Variants in ATXN3 observed in about 807,000 individuals in gnomAD.
ATXN3 encodes the protein ataxin 3.
A neutral mutation model predicts 58.2 loss-of-function variants in ATXN3; 28 were observed. The ratio of observed to expected loss-of-function variants is 0.48; its 90% CI spans 0.36 to 0.66. The LOEUF is 0.66. Among genes scored for constraint, ATXN3 ranks in the 30% least tolerant of loss-of-function variants. The pLI is 0.00. For synonymous variants in ATXN3, 113 were observed against 138.5 expected (o/e 0.82, Z 1.29); for missense variants, 321 against 422.1 (o/e 0.76, Z 2.10).
At chr14:92,093,952 T>C in intron 3 of ATXN3, 121 bp from the exon 4 acceptor site, 1 of 569,550 alleles carries the variant, frequency 1.8e-6, no homozygotes, top group Non-Finnish European at 3.1e-6. Flanking sequence ...AGGTTTTTTT[T>C]TTTTTTTTTG....
chr14:92,076,934 C>T (rs559624762), intron 9 of ATXN3, among the ~76,000 whole-genome samples: 47 of 67,864 alleles, frequency 6.9e-4, no homozygotes, highest in Non-Finnish European at 1.0e-3. Context: ...AGTGAGATTT[C>T]GTCTCAAAAA....
intron 10 of ATXN3, among the ~76,000 whole-genome samples, chr14:92,068,747 T>C (rs8009896): frequency 0.022 from 3,321 of 152,098 alleles, 127 homozygotes; most frequent in African/African-American, 0.076. Context: ...TGCGCCACCA[T>C]GCCCGACTAA....
intron 7 of ATXN3, 52 bp from the exon 8 acceptor site, chr14:92,082,518 A>G (rs2061639253): frequency 6.6e-7 from 1 of 1,510,198 alleles, no homozygotes; most frequent in Non-Finnish European, 9.0e-7. Context: ...TATTTTAGAC[A>G]TAACATAAAG....
intron 9 of ATXN3, among the ~76,000 whole-genome samples, chr14:92,076,569 T>A (rs2060422538): frequency 6.6e-6 from 1 of 152,146 alleles, no homozygotes; most frequent in Non-Finnish European, 1.5e-5. Flanking sequence ...ATACTTTTCT[T>A]TTCTTAGATA....
rs1019904252 is a variant in ATXN3, at chr14:92,064,508, G to C, written c.992-94C>G. ...TCTCAGAAAATGTATTTCTATTTGA[G>C]CACGAGTTTCTTTTTTTGATTTAAT... On this transcript the variant is annotated intron_variant, in intron 10 of 10. Transcript: ENST00000644486. The C allele has an allele frequency of 1.2e-5, 11 of 925,540 alleles. No homozygotes were observed. The African/African-American group carries it at 1.8e-4, about 15-fold the overall frequency. 57.3% of individuals were successfully genotyped at this position (925,540 alleles called of 1,614,324 possible).
chr14:92,088,769 T>C lies in ATXN3; in HGVS notation c.436A>G (p.Thr146Ala). ...LLTGPELISD[T>A]YLALFLAQLQ... ...TGAGCCAAGAAAAGTGCAAGATATGTATCTGATATTAATTCTGGACCCGTC... is the reference window on the plus strand; with the variant it reads ...TGAGCCAAGAAAAGTGCAAGATATGCATCTGATATTAATTCTGGACCCGTC... The change falls in exon 6 of 11, where the codon ACA becomes GCA. Residue 146 changes from threonine to alanine, a missense_variant. Coordinates refer to ENST00000644486, the MANE Select transcript of ATXN3 (RefSeq NM_004993.6). 1 of 1,612,654 alleles carries C rather than the reference T, an allele frequency of 6.2e-7. No individual in the cohort carries two copies. The highest frequency in any genetic ancestry group is 1.1e-5 in the South Asian group (1 of 90,882).
At chr14:92,054,338 C>G (rs941865800), downstream of ATXN3, among the ~76,000 whole-genome samples, 3 of 152,156 alleles carry the variant, frequency 2.0e-5, no homozygotes, top group African/African-American at 7.2e-5. Context: ...GATACAAGGT[C>G]AACACAAAAT....
At chr14:92,105,754 G>A (rs959676897) in intron 1 of ATXN3, among the ~76,000 whole-genome samples, 2 of 152,116 alleles carry the variant, frequency 1.3e-5, no homozygotes, top group African/African-American at 4.8e-5. Flanking sequence ...GCATGGTCAC[G>A]GAAGAGTTAA....
chr14:92,081,064 GA>G lies in ATXN3; in HGVS notation c.776-4del. The G allele has an allele frequency of 6.3e-7, 1 of 1,583,370 alleles. No homozygotes were observed. Among genetic ancestry groups the G allele is most frequent in the Non-Finnish European group, 8.7e-7 (1 of 1,153,352 alleles). ...TTGAGATATGTTTCTGGAACTACCT[GA>G]AAACAAAACACAACACAACAAAAAC... On this transcript the variant is annotated splice_polypyrimidine_tract_variant and splice_region_variant and intron_variant, in intron 8 of 10. Coordinates refer to ENST00000644486, the MANE Select transcript of ATXN3 (RefSeq NM_004993.6).
intron 1 of ATXN3, among the ~76,000 whole-genome samples, chr14:92,101,658 G>A (rs889993147): frequency 3.4e-4 from 52 of 152,068 alleles, no homozygotes; most frequent in African/African-American, 1.1e-3. Flanking sequence ...AGGAGTTCGA[G>A]ACCAGCCTGG....
chr14:92,089,378 G>GC (rs2063298156), intron 5 of ATXN3, among the ~76,000 whole-genome samples: 1 of 103,134 alleles, frequency 9.7e-6, no homozygotes, highest in Admixed American at 1.3e-4. Flanking sequence ...TTGCTCTGTC[G>GC]CCCAGGCTGG....
chr14:92,090,260 G>A (rs2063487218), intron 5 of ATXN3: 1 of 152,048 alleles, frequency 6.6e-6, no homozygotes, highest in South Asian at 2.1e-4. Flanking sequence ...GCACCAAGAT[G>A]CTTGACAAAT....
intron 10 of ATXN3, among the ~76,000 whole-genome samples, chr14:92,067,236 C>T (rs958850236): frequency 6.6e-6 from 1 of 152,192 alleles, no homozygotes; most frequent in South Asian, 2.1e-4. Flanking sequence ...AGAAATCTGA[C>T]TGTGATGTGT....
intron 6 of ATXN3, among the ~76,000 whole-genome samples, chr14:92,084,504 T>C (rs2140837635): frequency 6.6e-6 from 1 of 152,220 alleles, no homozygotes; most frequent in South Asian, 2.1e-4. Context: ...CCAAGCTAGA[T>C]GCTACACACA....
chr14:92,051,714 C>CTTTTTT (rs1309210142), upstream of ATXN3, among the ~76,000 whole-genome samples: 3 of 35,290 alleles, frequency 8.5e-5, no homozygotes, highest in Non-Finnish European at 2.0e-4. Context: ...TCTTCTTTTC[C>CTTTTTT]TTTCTTTTTT....
At chr14:92,056,000 A>G (rs892401541), downstream of ATXN3, among the ~76,000 whole-genome samples, 1 of 152,184 alleles carries the variant, frequency 6.6e-6, no homozygotes, top group Non-Finnish European at 1.5e-5. This position sits in a 1 kb window ranked among gnomAD's most constrained non-coding sequence, Gnocchi z 4.5. Flanking sequence ...GTCTGGCAAA[A>G]GGGGTTTCAG....
At chr14:92,098,703 C>G (rs1303397288) in intron 1 of ATXN3, among the ~76,000 whole-genome samples, 1 of 152,188 alleles carries the variant, frequency 6.6e-6, no homozygotes, top group African/African-American at 2.4e-5. Flanking sequence ...CTTGCAGTTA[C>G]AGTGCTGAAG....
rs1381838809 is a variant in ATXN3 at position 92,064,802 on chromosome 14, A to G, written c.992-388T>C. ...ATAATGCATTTGAGATTTGTTGTGT[A>G]TATCAACAATTCATGTATTTACAAA... On this transcript the variant is annotated intron_variant, in intron 10 of 10. Transcript: ENST00000644486. Among the ~76,000 whole-genome samples, 7 of 152,218 alleles carry G rather than the reference A, an allele frequency of 4.6e-5. No individual in the cohort carries two copies. In the East Asian group the frequency reaches 1.2e-3, roughly 25 times the overall value.
intron 10 of ATXN3, 104 bp from the exon 11 acceptor site, chr14:92,064,518 C>T (rs2058025054): frequency 1.2e-6 from 1 of 866,522 alleles, no homozygotes; most frequent in Admixed American, 2.4e-5. Flanking sequence ...GCACGAGTTT[C>T]TTTTTTTGAT....
Sources: gnomAD v4.1 joint callset for allele counts (sites outside exome capture counted in the v4.1 genomes callset) on GRCh38, gnomAD v4.1.1 for gene constraint, Gnocchi (gnomAD v3.1) non-coding constraint, MANE v1.5 for transcripts, NCBI Gene and HGNC (gene_info 2026-07-23, HGNC 2026-07-21) for gene names.